The following MGAT3 variants were observed in gnomAD, a reference collection of about 807,000 sequenced individuals.
The protein encoded by MGAT3 is beta-1,4-mannosyl-glycoprotein 4-beta-N-acetylglucosaminyltransferase.
A neutral mutation model predicts 29.8 loss-of-function variants in MGAT3; 9 were observed. The ratio of observed to expected loss-of-function variants is 0.30; its 90% CI spans 0.18 to 0.53. MGAT3 has a LOEUF of 0.53. Among genes scored for constraint, MGAT3 ranks in the 20% least tolerant of loss-of-function variants. The pLI is 0.96. For missense variants in MGAT3, 557 were observed against 769.5 expected (o/e 0.72, Z 3.27); for synonymous variants, 397 against 348.9 (o/e 1.14, Z -1.54).
At chr22:39,478,733 TC>T (rs1343747026) in intron 1 of MGAT3, among the ~76,000 whole-genome samples, 1 of 152,146 alleles carries the variant, frequency 6.6e-6, no homozygotes, top group Admixed American at 6.5e-5. Flanking sequence ...AGAGAGCACC[TC>T]CCTTCTCCCT....
Position 39,457,601 on chromosome 22 carries a change from T to A in MGAT3, c.-2+44T>A, listed in dbSNP as rs1928369213. 6.8e-6 allele frequency: 1 copy of A among 147,208 alleles called. No homozygotes were observed. The highest frequency in any genetic ancestry group is 2.1e-4 in the South Asian group (1 of 4,864). The allele number at this position is 147,208 out of a possible 1,614,324, so 9.1% of individuals were successfully genotyped here. A position where few individuals can be genotyped will look rare whatever the true frequency, so the allele number is the denominator to read the frequency against. ...CCTGGGGGGCGCCGCGGCCCCTCTA[T>A]CCCCGCGCTGCCCGCCCTCCCGCGC... On this transcript the variant is annotated intron_variant, in intron 1 of 1. Transcript: ENST00000341184. This position sits in a 1 kb window ranked among gnomAD's most constrained non-coding sequence, Gnocchi z 6.8.
chr22:39,483,173 C>T (rs1166437023), intron 1 of MGAT3, among the ~76,000 whole-genome samples: 1 of 152,194 alleles, frequency 6.6e-6, no homozygotes, highest in Non-Finnish European at 1.5e-5. Flanking sequence ...GAGTGTCCCC[C>T]TCAGAGGCAG....
chr22:39,470,135 C>G (rs1928767716), intron 1 of MGAT3, among the ~76,000 whole-genome samples: 1 of 152,204 alleles, frequency 6.6e-6, no homozygotes, highest in African/African-American at 2.4e-5. Context: ...CCCTGCTCTC[C>G]TGTGGCCTCG....
chr22:39,468,257 G>T (rs1928711895), intron 1 of MGAT3, among the ~76,000 whole-genome samples: 1 of 152,192 alleles, frequency 6.6e-6, no homozygotes, highest in African/African-American at 2.4e-5. Flanking sequence ...CCCAGGAGCT[G>T]CAGGCTGCAG....
chr22:39,471,892 G>T (rs1928821516), intron 1 of MGAT3, among the ~76,000 whole-genome samples: 1 of 152,204 alleles, frequency 6.6e-6, no homozygotes, highest in Non-Finnish European at 1.5e-5. Context: ...TTAGGGGATA[G>T]CGTGGGGGAA....
At chr22:39,486,404 A>G (rs969297588) in intron 1 of MGAT3, among the ~76,000 whole-genome samples, 1 of 152,208 alleles carries the variant, frequency 6.6e-6, no homozygotes, top group Non-Finnish European at 1.5e-5. Context: ...CGGCCTCCCA[A>G]AGTGCTGGGA....
At chr22:39,462,703 T>A (rs1928531752) in intron 1 of MGAT3, among the ~76,000 whole-genome samples, 1 of 152,112 alleles carries the variant, frequency 6.6e-6, no homozygotes, top group African/African-American at 2.4e-5. Flanking sequence ...TGCCCATAAG[T>A]CAGGAAGTTA....
Position 39,488,148 on chromosome 22 carries a change from C to G in MGAT3, c.801C>G (p.His267Gln), listed in dbSNP as rs773387587. 1.9e-6 allele frequency: 3 copies of G among 1,613,030 alleles called. No homozygotes were observed. In the Admixed American group the frequency reaches 5.0e-5, roughly 27 times the overall value. ...ATGGCACCTTCGAGTACATCCGCCA[C>G]AAGGTGCTCTATGTCTTCCTGGACC... ...LTNGTFEYIR[H>Q]KVLYVFLDHF... is the part of the protein sequence containing the mutation. The change falls in exon 2 of 2, where the codon CAC becomes CAG. Residue 267 changes from histidine to glutamine, a missense_variant. His to Gln is a conservative substitution (Grantham distance 24, BLOSUM62 0). Around this residue, in one of 3 missense-constraint regions of MGAT3, gnomAD observed 243 missense variants for 444.0 expected, o/e 0.55. Transcript: ENST00000341184.
chr22:39,487,186 G>A lies in MGAT3; in HGVS notation c.-1-161G>A. On this transcript the variant is annotated intron_variant, in intron 1 of 1. Transcript: ENST00000341184. This position sits in a 1 kb window ranked among gnomAD's most constrained non-coding sequence, Gnocchi z 5.7. ...TGGGGCTTTCAGGGGCCTTGGTACC[G>A]CGAGTTGACTCTTGGGGGCAGGAGG... The A allele has an allele frequency of 4.0e-6, 1 of 248,506 alleles. No homozygotes were observed. Among genetic ancestry groups the A allele is most frequent in the Non-Finnish European group, 6.4e-6 (1 of 156,412 alleles). 15.4% of individuals were successfully genotyped at this position (248,506 alleles called of 1,614,324 possible).
chr22:39,489,228 GT>G lies in MGAT3; in HGVS notation c.*280del. The G allele has an allele frequency of 1.9e-6, 1 of 524,946 alleles. No homozygotes were observed. The highest frequency in any genetic ancestry group is 2.7e-5 in the South Asian group (1 of 37,138). The allele number at this position is 524,946 out of a possible 1,614,324, so 32.5% of individuals were successfully genotyped here. On this transcript the variant is annotated 3_prime_UTR_variant, in exon 2 of 2. Transcript: ENST00000341184. ...TGTGGCCAGGAGGTGCCACTGGAGT[GT>G]GCGTGGTGGTCCCTGGGTAGCGGGG...
intron 1 of MGAT3, among the ~76,000 whole-genome samples, chr22:39,475,206 T>C (rs1414949013): frequency 1.3e-5 from 2 of 150,062 alleles, no homozygotes; most frequent in Non-Finnish European, 2.9e-5. Context: ...TGTCTGAAAT[T>C]GAAAAGCTGG....
chr22:39,472,832 C>T (rs1161873744), intron 1 of MGAT3: 1 of 152,308 alleles, frequency 6.6e-6, no homozygotes, highest in Non-Finnish European at 1.5e-5. Flanking sequence ...GCCATAGAGC[C>T]TTGAAAGCCA....
chr22:39,472,201 C>T (rs905008382), intron 1 of MGAT3, among the ~76,000 whole-genome samples: 1 of 152,022 alleles, frequency 6.6e-6, no homozygotes, highest in Admixed American at 6.5e-5. Flanking sequence ...CAGAATCCAG[C>T]CTCTGCCCCC....
At position 39,487,096 on chromosome 22, in the gene MGAT3, G is replaced by A. The variant is rs1158093068; in HGVS notation, c.-1-251G>A. 6.6e-6 allele frequency among the ~76,000 whole-genome samples: 1 copy of A among 152,168 alleles called. No homozygotes were observed. The highest frequency in any genetic ancestry group is 1.5e-5 in the Non-Finnish European group (1 of 68,032). On this transcript the variant is annotated intron_variant, in intron 1 of 1. Transcript: ENST00000341184. The surrounding 1 kb of genome is among the most constrained non-coding windows in gnomAD (Gnocchi z 5.7). ...CCAGGCGGAGAAGCAGGCTGCAGAG[G>A]GGGCAGGGTGGTGGCCTGGGGATCT...
chr22:39,460,420 G>A (rs1928465212), intron 1 of MGAT3, among the ~76,000 whole-genome samples: 2 of 152,172 alleles, frequency 1.3e-5, no homozygotes, highest in Non-Finnish European at 2.9e-5. Context: ...TAGTGGCCCG[G>A]TTCAAATCCC....
intron 1 of MGAT3, among the ~76,000 whole-genome samples, chr22:39,469,176 G>C (rs1928739665): frequency 6.7e-6 from 1 of 149,894 alleles, no homozygotes; most frequent in Admixed American, 6.6e-5. Flanking sequence ...GGGAAGTGCG[G>C]GCAGTGGGAC....
Position 39,471,851 on chromosome 22 carries a change from A to G in MGAT3, c.-2+14294A>G, listed in dbSNP as rs553647907. Among the ~76,000 whole-genome samples the G allele has an allele frequency of 2.6e-5, 4 of 152,192 alleles. 1 individual carries two copies. The South Asian group carries it at 8.3e-4, about 32-fold the overall frequency. On this transcript the variant is annotated intron_variant, in intron 1 of 1. Coordinates refer to ENST00000341184, the MANE Select transcript of MGAT3 (RefSeq NM_002409.5). ...CTGTGGTCAGCCACCACCCTGAGCA[A>G]GACAAGCAAACAGGAAATTCCTCTC...
chr22:39,489,307 C>G lies in MGAT3; in HGVS notation c.*358C>G, dbSNP rs1929387968. 2 of 300,534 alleles carry G rather than the reference C, an allele frequency of 6.7e-6. No individual in the cohort carries two copies. Among genetic ancestry groups the G allele is most frequent in the African/African-American group, 2.2e-5 (1 of 45,734 alleles). The allele number at this position is 300,534 out of a possible 1,614,324, so 18.6% of individuals were successfully genotyped here. Reference sequence around the variant, plus strand: ...CCTGCAGGATCTCACCAGGCAGCCTCTGGGGGGTGGCCAGGCCGGGAAAAA... The same window carrying G: ...CCTGCAGGATCTCACCAGGCAGCCTGTGGGGGGTGGCCAGGCCGGGAAAAA... On this transcript the variant is annotated 3_prime_UTR_variant, in exon 2 of 2. Coordinates refer to ENST00000341184, the MANE Select transcript of MGAT3 (RefSeq NM_002409.5).
chr22:39,489,155 G>T lies in MGAT3; in HGVS notation c.*206G>T. ...AGAAAATATCCCTCCTGTTGGGAGA[G>T]GGCGCAGGCCGTGACGTCTGGGTGG... On this transcript the variant is annotated 3_prime_UTR_variant, in exon 2 of 2. Transcript: ENST00000341184. 1.3e-6 allele frequency: 1 copy of T among 748,146 alleles called. No individual in the cohort carries two copies. The highest frequency in any genetic ancestry group is 2.2e-6 in the Non-Finnish European group (1 of 460,574). The allele number at this position is 748,146 out of a possible 1,614,324, so 46.3% of individuals were successfully genotyped here.
Sources: gnomAD v4.1 joint callset for allele counts (sites outside exome capture counted in the v4.1 genomes callset) on GRCh38, gnomAD v4.1.1 for gene constraint, gnomAD v4.1.1 regional missense constraint, Gnocchi (gnomAD v3.1) non-coding constraint, MANE v1.5 for transcripts, NCBI Gene and HGNC (gene_info 2026-07-23, HGNC 2026-07-21) for gene names.